THSD7A: variants seen among roughly 807,000 people sequenced by gnomAD.
THSD7A encodes thrombospondin type 1 domain containing 7A.
Under a neutral mutation model 231.3 loss-of-function variants are expected in THSD7A, and 96 were observed. The ratio of observed to expected loss-of-function variants is 0.41; its 90% CI spans 0.35 to 0.49. The LOEUF (loss-of-function observed/expected upper bound fraction) is 0.49, where lower values mean the gene tolerates loss of function less well. THSD7A is among the 20% of genes least tolerant of loss of function. The pLI is 0.05. For missense variants in THSD7A, 2,290 were observed against 2,070.2 expected (o/e 1.11, Z -2.06); for synonymous variants, 940 against 743.3 (o/e 1.26, Z -4.30).
chr7:11,671,383 C>T (rs541180097), intron 1 of THSD7A, among the ~76,000 whole-genome samples: 21 of 152,250 alleles, frequency 1.4e-4, no homozygotes, highest in Admixed American at 2.6e-4. Flanking sequence ...AATAATCAAA[C>T]ACCTCATTAT....
At chr7:11,631,278 C>T (rs1781645095) in intron 2 of THSD7A, among the ~76,000 whole-genome samples, 1 of 152,066 alleles carries the variant, frequency 6.6e-6, no homozygotes, top group African/African-American at 2.4e-5. Context: ...TTTCAGTTTT[C>T]CATTTTCCTT....
At chr7:11,493,263 G>A (rs1786972107) in intron 6 of THSD7A, among the ~76,000 whole-genome samples, 1 of 152,038 alleles carries the variant, frequency 6.6e-6, no homozygotes, top group South Asian at 2.1e-4. Flanking sequence ...GTTCATATCT[G>A]ACCTGATAAA....
intron 11 of THSD7A, among the ~76,000 whole-genome samples, chr7:11,450,828 A>C (rs1785118946): frequency 6.6e-6 from 1 of 152,032 alleles, no homozygotes. Context: ...CATTGTTAGC[A>C]AGATGGGAAA....
At chr7:11,375,993 T>C in intron 27 of THSD7A, 115 bp from the exon 28 acceptor site, 1 of 880,336 alleles carries the variant, frequency 1.1e-6, no homozygotes, top group Non-Finnish European at 1.8e-6. Flanking sequence ...CCTCGTTGCC[T>C]GCGTTGCCTA....
chr7:11,528,741 T>C (rs1788580755), intron 6 of THSD7A, among the ~76,000 whole-genome samples: 1 of 152,144 alleles, frequency 6.6e-6, no homozygotes, highest in Admixed American at 6.6e-5. Context: ...TATAGCATGT[T>C]CCCTGTTTCA....
intron 9 of THSD7A, 134 bp downstream of exon 9, chr7:11,469,745 T>G (rs1341614615): frequency 1.7e-6 from 1 of 580,294 alleles, no homozygotes; most frequent in African/African-American, 1.9e-5. Context: ...AAACTAACAT[T>G]TTATGGCATG....
chr7:11,639,583 G>C (rs978634267), intron 1 of THSD7A, among the ~76,000 whole-genome samples: 3 of 152,090 alleles, frequency 2.0e-5, no homozygotes, highest in Non-Finnish European at 4.4e-5. Context: ...CAGGAGAATG[G>C]TGTGAACCCA....
chr7:11,787,537 AAAG>A (rs1263082162), intron 1 of THSD7A, among the ~76,000 whole-genome samples: 11 of 152,138 alleles, frequency 7.2e-5, no homozygotes, highest in Non-Finnish European at 1.6e-4. Flanking sequence ...CAAAATATAC[AAAG>A]AACTCTTAAA....
At chr7:11,484,422 T>A (rs191537739) in intron 6 of THSD7A, among the ~76,000 whole-genome samples, 1 of 152,296 alleles carries the variant, frequency 6.6e-6, no homozygotes, top group East Asian at 1.9e-4. Context: ...ACATTCAGGT[T>A]TCAGTTCAAT....
chr7:11,631,150 C>T (rs1221577092), intron 2 of THSD7A, among the ~76,000 whole-genome samples: 1 of 152,182 alleles, frequency 6.6e-6, no homozygotes, highest in Non-Finnish European at 1.5e-5. Context: ...ATAAGAAGAG[C>T]CTTGGATAAA....
At chr7:11,692,478 T>C (rs900308686) in intron 1 of THSD7A, among the ~76,000 whole-genome samples, 5 of 151,492 alleles carry the variant, frequency 3.3e-5, no homozygotes, top group African/African-American at 9.7e-5. Context: ...CAACCGAATT[T>C]TAAAAAATAA....
chr7:11,821,248 C>A (rs1338261572), intron 1 of THSD7A: 2 of 1,149,132 alleles, frequency 1.7e-6, no homozygotes, highest in Non-Finnish European at 2.6e-6. Context: ...TGAGGGTCTA[C>A]GCTGAGACTG....
intron 6 of THSD7A, among the ~76,000 whole-genome samples, chr7:11,518,620 C>CACAT (rs3086979): frequency 6.6e-6 from 1 of 151,520 alleles, no homozygotes; most frequent in Admixed American, 6.6e-5. Context: ...CACACACACA[C>CACAT]GCACACACAG....
At chr7:11,525,889 A>T (rs142523519) in intron 6 of THSD7A, among the ~76,000 whole-genome samples, 1 of 152,210 alleles carries the variant, frequency 6.6e-6, no homozygotes, top group Non-Finnish European at 1.5e-5. Flanking sequence ...GTAACGTGTG[A>T]CTGGAAAGCA....
chr7:11,430,058 T>C (rs753227721), intron 13 of THSD7A, among the ~76,000 whole-genome samples: 4 of 152,220 alleles, frequency 2.6e-5, no homozygotes, highest in Admixed American at 1.3e-4. Context: ...GGTTGTCCTC[T>C]ATAATAGTCT....
chr7:11,803,507 G>C (rs530592125), intron 1 of THSD7A, among the ~76,000 whole-genome samples: 1 of 152,098 alleles, frequency 6.6e-6, no homozygotes, highest in Non-Finnish European at 1.5e-5. Flanking sequence ...TAAGAGCTAT[G>C]AGATTGAGAG....
At chr7:11,779,660 C>T (rs1225525825) in intron 1 of THSD7A, among the ~76,000 whole-genome samples, 1 of 152,162 alleles carries the variant, frequency 6.6e-6, no homozygotes, top group African/African-American at 2.4e-5. Flanking sequence ...CACTCAATGT[C>T]TATTTTTGTT....
At chr7:11,689,215 T>A (rs756665032) in intron 1 of THSD7A, among the ~76,000 whole-genome samples, 8 of 151,880 alleles carry the variant, frequency 5.3e-5, no homozygotes, top group Non-Finnish European at 8.8e-5. Flanking sequence ...ATGACCAAAT[T>A]GGTTAAAGCT....
chr7:11,723,469 G>C (rs1017714416), intron 1 of THSD7A, among the ~76,000 whole-genome samples: 1 of 151,104 alleles, frequency 6.6e-6, no homozygotes, highest in Non-Finnish European at 1.5e-5. Flanking sequence ...AAAACTTAAA[G>C]TATAATAAAA....
Sources: gnomAD v4.1 joint callset for allele counts (sites outside exome capture counted in the v4.1 genomes callset) on GRCh38, gnomAD v4.1.1 for gene constraint, MANE v1.5 for transcripts, NCBI Gene and HGNC (gene_info 2026-07-23, HGNC 2026-07-21) for gene names.